The following GABBR2 variants were observed in gnomAD, a reference collection of about 807,000 sequenced individuals.
The protein encoded by GABBR2 is G-protein coupled receptor 51.
Under a neutral mutation model 105.6 loss-of-function variants are expected in GABBR2, and 23 were observed. The observed-to-expected ratio is 0.22, with a 90% confidence interval of 0.16 to 0.31. The LOEUF (loss-of-function observed/expected upper bound fraction) is 0.31, where lower values mean the gene tolerates loss of function less well. GABBR2 is among the 10% of genes least tolerant of loss of function. The pLI, the probability that GABBR2 is intolerant of heterozygous loss-of-function variation, is 1.00. For missense variants in GABBR2, 734 were observed against 1,245.5 expected (o/e 0.59, Z 6.18); for synonymous variants, 478 against 499.7 (o/e 0.96, Z 0.58).
At chr9:98,380,638 G>A (rs1831956587) in intron 11 of GABBR2, among the ~76,000 whole-genome samples, 1 of 152,240 alleles carries the variant, frequency 6.6e-6, no homozygotes, top group Admixed American at 6.5e-5. Context: ...AGACAGCACG[G>A]GGTATAGCTG....
intron 4 of GABBR2, among the ~76,000 whole-genome samples, chr9:98,492,414 TAC>T (rs1210220583): frequency 3.8e-5 from 4 of 104,168 alleles, no homozygotes; most frequent in East Asian, 2.5e-4. Context: ...GGAGACTATA[TAC>T]AGAGTTCCCA....
chr9:98,616,342 G>C (rs1829582134), intron 1 of GABBR2, among the ~76,000 whole-genome samples: 1 of 152,188 alleles, frequency 6.6e-6, no homozygotes, highest in East Asian at 1.9e-4. Context: ...CTAATTGGTT[G>C]ACTTGCTGTA....
intron 1 of GABBR2, among the ~76,000 whole-genome samples, chr9:98,596,422 G>A (rs1588244214): frequency 6.6e-6 from 1 of 152,156 alleles, no homozygotes; most frequent in Non-Finnish European, 1.5e-5. Flanking sequence ...CAGCCTTGGG[G>A]GTGGGGGCTC....
At chr9:98,527,111 A>T (rs1456340894) in intron 3 of GABBR2, among the ~76,000 whole-genome samples, 1 of 148,104 alleles carries the variant, frequency 6.8e-6, no homozygotes, top group Non-Finnish European at 1.5e-5. Flanking sequence ...TATATATTAT[A>T]TATATATATG....
intron 7 of GABBR2, among the ~76,000 whole-genome samples, chr9:98,419,462 G>A (rs1407639265): frequency 6.6e-6 from 1 of 152,168 alleles, no homozygotes; most frequent in Non-Finnish European, 1.5e-5. Flanking sequence ...CGTCGGGGGC[G>A]GCCAGCCACT....
intron 6 of GABBR2, among the ~76,000 whole-genome samples, chr9:98,458,052 C>T (rs919922979): frequency 1.3e-5 from 2 of 152,202 alleles, no homozygotes; most frequent in African/African-American, 4.8e-5. Context: ...GAACTTGGAA[C>T]ATATTTTCCC....
chr9:98,686,292 T>C (rs1830619764), intron 1 of GABBR2, among the ~76,000 whole-genome samples: 1 of 152,196 alleles, frequency 6.6e-6, no homozygotes, highest in Non-Finnish European at 1.5e-5. Flanking sequence ...TCTTGGGGTA[T>C]GGCTCGCCAC....
chr9:98,454,826 C>A lies in GABBR2; in HGVS notation c.1000-609G>T, dbSNP rs1486962354. 6.7e-6 allele frequency among the ~76,000 whole-genome samples: 1 copy of A among 148,820 alleles called. No individual in the cohort carries two copies. The highest frequency in any genetic ancestry group is 1.5e-5 in the Non-Finnish European group (1 of 67,160). ...AGCCAGGCTCAGTCCATACCTCCTT[C>A]CCCTTCTAGCATCAGTAGCTCCCTG... On this transcript the variant is annotated intron_variant, in intron 6 of 18. Transcript: ENST00000259455. This position sits in a 1 kb window ranked among gnomAD's most constrained non-coding sequence, Gnocchi z 4.6.
chr9:98,543,409 G>T (rs575663784), intron 2 of GABBR2, among the ~76,000 whole-genome samples: 1 of 151,796 alleles, frequency 6.6e-6, no homozygotes, highest in African/African-American at 2.4e-5. Flanking sequence ...CTGTTGCCCA[G>T]ACTGGAGTAC....
chr9:98,290,772 G>A, intron 18 of GABBR2, 23 bp from the exon 19 acceptor site: 1 of 1,448,322 alleles, frequency 6.9e-7, no homozygotes, highest in East Asian at 2.8e-5. Flanking sequence ...AGAGGGAGGA[G>A]TGTTAGTGAA....
intron 1 of GABBR2, among the ~76,000 whole-genome samples, chr9:98,661,696 T>C (rs1830266597): frequency 6.6e-6 from 1 of 152,200 alleles, no homozygotes; most frequent in African/African-American, 2.4e-5. Flanking sequence ...CCACCGCGCC[T>C]GGCCTGTGAT....
At chr9:98,560,888 C>T (rs1828665391) in intron 2 of GABBR2, among the ~76,000 whole-genome samples, 2 of 151,476 alleles carry the variant, frequency 1.3e-5, no homozygotes, top group African/African-American at 4.8e-5. Flanking sequence ...CATGATACCT[C>T]ATAACTAAAT....
At chr9:98,648,120 G>GTGTGTGTGTGT (rs1564140811) in intron 1 of GABBR2, among the ~76,000 whole-genome samples, 18 of 39,898 alleles carry the variant, frequency 4.5e-4, no homozygotes, top group African/African-American at 8.7e-4. Context: ...TGTGTGTATA[G>GTGTGTGTGTGT]ATAGATAGAT....
chr9:98,662,025 C>T (rs1411449012), intron 1 of GABBR2, among the ~76,000 whole-genome samples: 2 of 152,184 alleles, frequency 1.3e-5, no homozygotes, highest in Admixed American at 1.3e-4. Flanking sequence ...TTCAACTCTT[C>T]CCCCTTCCAG....
At chr9:98,467,309 T>C (rs1826579295) in intron 6 of GABBR2, among the ~76,000 whole-genome samples, 1 of 152,172 alleles carries the variant, frequency 6.6e-6, no homozygotes, top group South Asian at 2.1e-4. Flanking sequence ...TGGGAAGTGT[T>C]GGGGCCATGA....
intron 3 of GABBR2, among the ~76,000 whole-genome samples, chr9:98,509,540 G>A (rs1415931117): frequency 1.3e-5 from 2 of 152,122 alleles, no homozygotes; most frequent in Non-Finnish European, 2.9e-5. Context: ...TAGACGAATG[G>A]ATAACTAGAA....
chr9:98,309,507 C>T (rs534975771), intron 14 of GABBR2, among the ~76,000 whole-genome samples: 8 of 152,214 alleles, frequency 5.3e-5, no homozygotes, highest in Non-Finnish European at 1.0e-4. Context: ...GGCTCCATGG[C>T]ATCTATGGAC....
intron 6 of GABBR2, among the ~76,000 whole-genome samples, chr9:98,466,482 C>T (rs181896511): frequency 2.2e-3 from 338 of 152,324 alleles, no homozygotes; most frequent in Non-Finnish European, 4.2e-3. Context: ...CCTTCCATTG[C>T]TCCTCATCTC....
In GABBR2 at chr9:98,518,067, G is replaced by A. The variant is rs183226049; in HGVS notation, c.631-21553C>T. 4.6e-5 allele frequency among the ~76,000 whole-genome samples: 7 copies of A among 152,322 alleles called. No homozygotes were observed. The East Asian group carries it at 1.2e-3, about 25-fold the overall frequency. Reference sequence around the variant, plus strand: ...CAGAAAGAAGGCGAGAAAGAGTTCCGGGTATTTTTTACCTTGGCTGCTTCC... The same window carrying A: ...CAGAAAGAAGGCGAGAAAGAGTTCCAGGTATTTTTTACCTTGGCTGCTTCC... On this transcript the variant is annotated intron_variant, in intron 3 of 18. Coordinates refer to ENST00000259455, the MANE Select transcript of GABBR2 (RefSeq NM_005458.8).
Sources: gnomAD v4.1 joint callset for allele counts (sites outside exome capture counted in the v4.1 genomes callset) on GRCh38, gnomAD v4.1.1 for gene constraint, Gnocchi (gnomAD v3.1) non-coding constraint, MANE v1.5 for transcripts, NCBI Gene and HGNC (gene_info 2026-07-23, HGNC 2026-07-21) for gene names.